The following HLCS variants were observed in gnomAD, a reference collection of about 807,000 sequenced individuals.
The protein encoded by HLCS is holocarboxylase synthetase.
A neutral mutation model predicts 75.0 loss-of-function variants in HLCS; 53 were observed. The ratio of observed to expected loss-of-function variants is 0.71; its 90% CI spans 0.57 to 0.89. HLCS has a LOEUF of 0.89. Among genes scored for constraint, HLCS ranks in the 40% least tolerant of loss-of-function variants. The pLI, the probability that HLCS is intolerant of heterozygous loss-of-function variation, is 0.00. For missense variants in HLCS, 966 were observed against 1,074.0 expected, an observed-to-expected ratio of 0.90 and a Z score of 1.41; for synonymous variants, 431 against 428.6, an observed-to-expected ratio of 1.01 and a Z score of -0.07.
At chr21:36,786,344 G>A (rs1426092664) in intron 6 of HLCS, among the ~76,000 whole-genome samples, 3 of 151,158 alleles carry the variant, frequency 2.0e-5, no homozygotes, top group South Asian at 2.1e-4. Context: ...CAGGAAACAC[G>A]CTCAAATAAG....
intron 5 of HLCS, among the ~76,000 whole-genome samples, chr21:36,916,716 T>C (rs1278119005): frequency 6.6e-6 from 1 of 152,012 alleles, no homozygotes; most frequent in Admixed American, 6.6e-5. Flanking sequence ...TTTATACACA[T>C]GTGCTTTATA....
At chr21:36,799,384 C>T (rs983538502) in intron 6 of HLCS, among the ~76,000 whole-genome samples, 1 of 152,194 alleles carries the variant, frequency 6.6e-6, no homozygotes, top group African/African-American at 2.4e-5. Context: ...TATCTCTATC[C>T]TTACACCAAC....
intron 5 of HLCS, among the ~76,000 whole-genome samples, chr21:36,914,820 G>A (rs1476270789): frequency 6.6e-6 from 1 of 152,184 alleles, no homozygotes; most frequent in Non-Finnish European, 1.5e-5. Flanking sequence ...GTGCGGGACC[G>A]ACACCCACAG....
chr21:36,903,871 G>C (rs749360102), intron 5 of HLCS, among the ~76,000 whole-genome samples: 2 of 152,110 alleles, frequency 1.3e-5, no homozygotes, highest in Non-Finnish European at 1.5e-5. Context: ...GGGGCCTTTG[G>C]GAAGAAATTG....
Position 36,791,403 on chromosome 21 carries a change from T to C in HLCS, c.1893-24118A>G, listed in dbSNP as rs531943423. Among the ~76,000 whole-genome samples, 17 of 152,174 alleles carry C rather than the reference T, an allele frequency of 1.1e-4. No individual in the cohort carries two copies. The South Asian group carries it at 3.5e-3, about 32-fold the overall frequency. On this transcript the variant is annotated intron_variant, in intron 6 of 10. Coordinates refer to ENST00000674895, the MANE Select transcript of HLCS (RefSeq NM_001352514.2). ...AGTTCCTGCTGGGTCGGCCAAGAGG[T>C]ATGAACCAAAAATGAAAAAACATGA...
chr21:36,838,688 A>G (rs2062507703), intron 6 of HLCS, among the ~76,000 whole-genome samples: 1 of 149,934 alleles, frequency 6.7e-6, no homozygotes, highest in African/African-American at 2.5e-5. Context: ...TGGGCGACAG[A>G]GCGAGACTCC....
At chr21:36,791,589 C>A (rs1262654364) in intron 6 of HLCS, among the ~76,000 whole-genome samples, 1 of 152,084 alleles carries the variant, frequency 6.6e-6, no homozygotes, top group Non-Finnish European at 1.5e-5. Flanking sequence ...ATTTTTCTCA[C>A]CCCATTAAAT....
chr21:36,761,610 G>A (rs760821014), intron 8 of HLCS, among the ~76,000 whole-genome samples: 1 of 152,156 alleles, frequency 6.6e-6, no homozygotes, highest in Non-Finnish European at 1.5e-5. Context: ...GGCGTCTAGA[G>A]AGTAGAGGCC....
intron 6 of HLCS, among the ~76,000 whole-genome samples, chr21:36,792,685 A>G (rs1319489420): frequency 2.0e-5 from 3 of 152,278 alleles, no homozygotes; most frequent in African/African-American, 7.2e-5. Context: ...ATGGCTGTCA[A>G]GAGGCATGCC....
intron 1 of HLCS, among the ~76,000 whole-genome samples, chr21:36,973,063 AC>A (rs763521797): frequency 5.5e-5 from 3 of 54,412 alleles, no homozygotes; most frequent in Non-Finnish European, 1.5e-4. Context: ...GAAAAAAAAA[AC>A]AAAACATTTT....
chr21:36,897,391 T>G (rs1171269322), intron 5 of HLCS, among the ~76,000 whole-genome samples: 8 of 152,216 alleles, frequency 5.3e-5, no homozygotes, highest in Admixed American at 5.2e-4. Context: ...CTTCCTATCT[T>G]ACATCTTACA....
rs1275141856 is a variant in HLCS, at chr21:36,843,000, T to C, written c.1892+53860A>G. On this transcript the variant is annotated intron_variant, in intron 6 of 10. Coordinates refer to ENST00000674895, the MANE Select transcript of HLCS (RefSeq NM_001352514.2). This position sits in a 1 kb window ranked among gnomAD's most constrained non-coding sequence, Gnocchi z 4.2. The stretch of plus-strand genomic sequence containing the variant: ...TGAAACTGAGCAGTTCTTCCTGCCA[T>C]GTCTTATCTTCTAGACTTTGGTGGC... Among the ~76,000 whole-genome samples, 2 of 152,272 alleles carry C rather than the reference T, an allele frequency of 1.3e-5. No homozygotes were observed. The highest frequency in any genetic ancestry group is 2.9e-5 in the Non-Finnish European group (2 of 68,046).
upstream of HLCS, among the ~76,000 whole-genome samples, chr21:36,967,463 A>G (rs1183738854): frequency 1.3e-5 from 2 of 152,224 alleles, no homozygotes; most frequent in Admixed American, 1.3e-4. Context: ...TCCTAACACC[A>G]GTGGGAAAAG....
intron 5 of HLCS, among the ~76,000 whole-genome samples, chr21:36,925,418 G>T (rs996536498): frequency 6.6e-6 from 1 of 152,194 alleles, no homozygotes; most frequent in Non-Finnish European, 1.5e-5. Flanking sequence ...AAAAATTCTT[G>T]TGCTCCCCAG....
intron 8 of HLCS, 36 bp downstream of exon 8, chr21:36,764,976 T>A (rs748825204): frequency 6.2e-7 from 1 of 1,609,932 alleles, no homozygotes; most frequent in Non-Finnish European, 8.5e-7. Context: ...TCTGCATGCA[T>A]CCCAGGGACA....
intron 6 of HLCS, among the ~76,000 whole-genome samples, chr21:36,819,573 C>T (rs1157630716): frequency 1.3e-5 from 2 of 152,140 alleles, no homozygotes; most frequent in East Asian, 1.9e-4. Context: ...AGCTATGATA[C>T]GGACAGTATC....
chr21:36,833,912 T>C (rs974812934), intron 6 of HLCS, among the ~76,000 whole-genome samples: 8 of 152,152 alleles, frequency 5.3e-5, no homozygotes, highest in Admixed American at 2.6e-4. Context: ...ACTGCCCGGA[T>C]TGAAGAGGAT....
intron 6 of HLCS, among the ~76,000 whole-genome samples, chr21:36,773,304 C>T (rs2060263607): frequency 6.6e-6 from 1 of 152,240 alleles, no homozygotes; most frequent in African/African-American, 2.4e-5. Context: ...CCCAGGCTGC[C>T]ATACCTGTCC....
chr21:36,901,575 G>A (rs2065238805), intron 5 of HLCS, among the ~76,000 whole-genome samples: 1 of 152,190 alleles, frequency 6.6e-6, no homozygotes, highest in Admixed American at 6.5e-5. Context: ...AGGCTCTGGG[G>A]AAACTAGTGT....
Sources: gnomAD v4.1 joint callset for allele counts (sites outside exome capture counted in the v4.1 genomes callset) on GRCh38, gnomAD v4.1.1 for gene constraint, Gnocchi (gnomAD v3.1) non-coding constraint, MANE v1.5 for transcripts, NCBI Gene and HGNC (gene_info 2026-07-23, HGNC 2026-07-21) for gene names.